COL5A1: variants seen among roughly 807,000 people sequenced by gnomAD.
The protein encoded by COL5A1 is collagen type V alpha 1 chain.
COL5A1 carries 16 observed loss-of-function variants against 263.7 expected under a neutral mutation model. The ratio of observed to expected loss-of-function variants is 0.06; its 90% CI spans 0.04 to 0.09. The LOEUF is 0.09. Ranked by LOEUF, COL5A1 falls within the 10% of genes least tolerant of loss-of-function variation. The pLI is 1.00. For missense variants in COL5A1, 2,036 were observed against 2,540.5 expected, an observed-to-expected ratio of 0.80 and a Z score of 4.27; for synonymous variants, 1,012 against 1,004.5, an observed-to-expected ratio of 1.01 and a Z score of -0.14.
At position 134,728,955 on chromosome 9, in the gene COL5A1, G is replaced by C. The variant is rs114738957; in HGVS notation, c.924+148G>C. ...GGGCAGCTCAGTGAGGGAGCCGGCT[G>C]TTGCCATCCGAGCTTTGCTGTCACG... On this transcript the variant is annotated intron_variant, in intron 6 of 65. Transcript: ENST00000371817. The C allele has an allele frequency of 0.018, 18,408 of 1,022,582 alleles. 579 individuals carry two copies. The highest frequency in any genetic ancestry group is 0.11 in the South Asian group (7,206 of 68,430). 63.3% of individuals were successfully genotyped at this position (1,022,582 alleles called of 1,614,324 possible). A position where few individuals can be genotyped will look rare whatever the true frequency, so the allele number is the denominator to read the frequency against.
chr9:134,761,726 A>T (rs570318705), intron 18 of COL5A1, among the ~76,000 whole-genome samples, 199 bp from the exon 19 acceptor site: 1 of 152,216 alleles, frequency 6.6e-6, no homozygotes, highest in South Asian at 2.1e-4. Flanking sequence ...TCGTGGTGAG[A>T]CTCAGGTGAG....
At chr9:134,774,715 C>A in intron 26 of COL5A1, 144 bp from the exon 27 acceptor site, 1 of 807,006 alleles carries the variant, frequency 1.2e-6, no homozygotes, top group Non-Finnish European at 2.1e-6. Flanking sequence ...GAGTCTCCCA[C>A]GGGGGGCCTC....
At chr9:134,756,928 G>C (rs1156440490) in intron 17 of COL5A1, 110 bp downstream of exon 17, 2 of 1,089,930 alleles carry the variant, frequency 1.8e-6, no homozygotes, top group Non-Finnish European at 2.8e-6. Context: ...TATGATGACA[G>C]GTGGCTCCGT....
chr9:134,768,206 G>A (rs936883411), intron 24 of COL5A1, among the ~76,000 whole-genome samples: 4 of 152,250 alleles, frequency 2.6e-5, no homozygotes, highest in Non-Finnish European at 4.4e-5. Flanking sequence ...AGCAGAACCT[G>A]AAGGTGCTGA....
chr9:134,827,866 G>A lies in COL5A1; in HGVS notation c.5067+1962G>A, dbSNP rs181446677. 9.0e-3 allele frequency among the ~76,000 whole-genome samples: 1,377 copies of A among 152,390 alleles called. 24 individuals carry two copies. Among genetic ancestry groups the A allele is most frequent in the African/African-American group, 0.031 (1,278 of 41,594 alleles). ...GGAAGAAGCTGCCTTCACGCCGCCT[G>A]GGCTTGGCATTGACAGTGGCAGATT... On this transcript the variant is annotated intron_variant, in intron 63 of 65. Coordinates refer to ENST00000371817, the MANE Select transcript of COL5A1 (RefSeq NM_000093.5).
At chr9:134,799,957 C>T (rs554606817) in intron 37 of COL5A1, among the ~76,000 whole-genome samples, 9 of 152,282 alleles carry the variant, frequency 5.9e-5, no homozygotes, top group African/African-American at 1.2e-4. Flanking sequence ...TCTGCCACCC[C>T]GGCCACCTCT....
chr9:134,794,099 G>C lies in COL5A1; in HGVS notation c.2701-983G>C, dbSNP rs147632293. 1.3e-5 allele frequency among the ~76,000 whole-genome samples: 2 copies of C among 152,112 alleles called. No homozygotes were observed. The highest frequency in any genetic ancestry group is 4.8e-5 in the African/African-American group (2 of 41,416). ...TCCCAGCACTTTGGGAGGCTGAGGCGGGTGAATCACGAGGTCAAGAGATCG... is the reference window on the plus strand; with the variant it reads ...TCCCAGCACTTTGGGAGGCTGAGGCCGGTGAATCACGAGGTCAAGAGATCG... On this transcript the variant is annotated intron_variant, in intron 32 of 65. Transcript: ENST00000371817. The surrounding 1 kb of genome is among the most constrained non-coding windows in gnomAD (Gnocchi z 4.3).
chr9:134,799,584 C>T (rs1411892346), intron 37 of COL5A1, among the ~76,000 whole-genome samples: 4 of 152,162 alleles, frequency 2.6e-5, no homozygotes, highest in African/African-American at 4.8e-5. Flanking sequence ...CAGGTCCCCT[C>T]GTGGAATGGG....
chr9:134,772,619 G>A (rs573429079), intron 25 of COL5A1, among the ~76,000 whole-genome samples, 171 bp from the exon 26 acceptor site: 21 of 152,344 alleles, frequency 1.4e-4, no homozygotes, highest in African/African-American at 3.6e-4. Context: ...CGGGGAGGCC[G>A]GGCTGTGCTT....
intron 42 of COL5A1, among the ~76,000 whole-genome samples, chr9:134,806,801 G>A (rs1243711189): frequency 1.3e-5 from 2 of 152,180 alleles, no homozygotes; most frequent in Admixed American, 6.5e-5. Flanking sequence ...TGGTTGGGGG[G>A]CAGGTGTAGA....
At position 134,759,512 on chromosome 9, in the gene COL5A1, CACAT is replaced by C. The variant is rs1157409093; in HGVS notation, c.1935+1220_1935+1223del. Among the ~76,000 whole-genome samples, 101 of 135,334 alleles carry C rather than the reference CACAT, an allele frequency of 7.5e-4. 1 individual carries two copies. Among genetic ancestry groups the C allele is most frequent in the East Asian group, 1.4e-3 (6 of 4,378 alleles). 88.8% of individuals were successfully genotyped at this position (135,334 alleles called of 152,430 possible). A position where few individuals can be genotyped will look rare whatever the true frequency, so the allele number is the denominator to read the frequency against. On this transcript the variant is annotated intron_variant, in intron 18 of 65. Transcript: ENST00000371817. ...CCACACTCATACACACATGCACACA[CACAT>C]ACACACACCACATACACCACACATG...
chr9:134,801,378 C>T (rs1024804598), intron 37 of COL5A1, among the ~76,000 whole-genome samples: 2 of 152,202 alleles, frequency 1.3e-5, no homozygotes, highest in African/African-American at 4.8e-5. Flanking sequence ...AGAAAGGGCA[C>T]CAAGCCAACT....
chr9:134,825,935 C>A (rs200053348), intron 63 of COL5A1, 31 bp downstream of exon 63: 3 of 1,461,516 alleles, frequency 2.1e-6, no homozygotes, highest in Non-Finnish European at 2.9e-6. Context: ...ATGGCCCCAG[C>A]GGGGCAGGCG....
rs371941850 is a variant in COL5A1, at chr9:134,754,266, C to A, written c.1774-7C>A. 76 of 1,613,786 alleles carry A rather than the reference C, an allele frequency of 4.7e-5. 1 individual carries two copies. In the African/African-American group the frequency reaches 7.1e-4, roughly 15 times the overall value. On this transcript the variant is annotated splice_polypyrimidine_tract_variant and splice_region_variant and intron_variant, in intron 15 of 65. Coordinates refer to ENST00000371817, the MANE Select transcript of COL5A1 (RefSeq NM_000093.5). The surrounding 1 kb of genome is among the most constrained non-coding windows in gnomAD (Gnocchi z 4.3). Reference sequence around the variant, plus strand: ...GCCACTGACCCTTTGTCTCTTACCCCTGGCAGGGTCCTCGAGGTGTGCAAG... The same window carrying A: ...GCCACTGACCCTTTGTCTCTTACCCATGGCAGGGTCCTCGAGGTGTGCAAG...
chr9:134,809,049 T>G, intron 42 of COL5A1, 134 bp from the exon 43 acceptor site: 3 of 809,050 alleles, frequency 3.7e-6, no homozygotes, highest in Non-Finnish European at 6.3e-6. Flanking sequence ...CTGAAATCCA[T>G]TAGGACTGTG....
Position 134,727,340 on chromosome 9 carries a change from C to G in COL5A1, c.729C>G (p.Asp243Glu), listed in dbSNP as rs1834700553. The change falls in exon 5 of 66, where the codon GAC becomes GAG. Residue 243 changes from aspartate (D) to glutamate (E), a missense_variant. By Grantham distance (45) the Asp-to-Glu change is conservative (BLOSUM62 2). Around this residue, in one of 3 missense-constraint regions of COL5A1, gnomAD observed 600 missense variants for 634.5 expected, o/e 0.95. Coordinates refer to ENST00000371817, the MANE Select transcript of COL5A1 (RefSeq NM_000093.5). The part of the protein sequence containing the change: ...AYDYCEHYSP[D>E]CDTAVPDTPQ... ...ATTACTGTGAGCACTACAGCCCTGA[C>G]TGTGACACCGCAGTACCTGACACCC... is the stretch of plus-strand genomic sequence containing the variant. 1 of 1,614,076 alleles carries G rather than the reference C, an allele frequency of 6.2e-7. No individual in the cohort carries two copies. Among genetic ancestry groups the G allele is most frequent in the Non-Finnish European group, 8.5e-7 (1 of 1,179,940 alleles).
intron 38 of COL5A1, among the ~76,000 whole-genome samples, chr9:134,802,687 C>T (rs1171194909): frequency 6.6e-6 from 1 of 152,228 alleles, no homozygotes; most frequent in Non-Finnish European, 1.5e-5. Flanking sequence ...CCAGCAGATG[C>T]CAGGCAGTGA....
Position 134,810,421 on chromosome 9 carries a change from G to T in COL5A1, c.3528+113G>T, listed in dbSNP as rs147965015. 5 of 1,032,362 alleles carry T rather than the reference G, an allele frequency of 4.8e-6. No homozygotes were observed. The Admixed American group carries it at 8.3e-5, about 17-fold the overall frequency. 64.0% of individuals were successfully genotyped at this position (1,032,362 alleles called of 1,614,324 possible). On this transcript the variant is annotated intron_variant, in intron 44 of 65. Transcript: ENST00000371817. ...TTCCAACGTTGCTGATGACTAGCGG[G>T]ACATGCTGTGAAAATCTCCCGTGCA...
chr9:134,650,040 T>TG (rs1271028127), intron 1 of COL5A1, among the ~76,000 whole-genome samples: 16 of 54,402 alleles, frequency 2.9e-4, no homozygotes, highest in Admixed American at 5.9e-4. Context: ...TGTTGGGGGG[T>TG]GGGGGGCTAG....
Sources: allele counts gnomAD v4.1 joint callset (sites outside exome capture counted in the v4.1 genomes callset), GRCh38; gene constraint gnomAD v4.1.1; regional missense constraint gnomAD v4.1.1; non-coding constraint Gnocchi (gnomAD v3.1); transcripts MANE v1.5; gene names NCBI Gene and HGNC (gene_info 2026-07-23, HGNC 2026-07-21).